ZNF410: variants seen among roughly 807,000 people sequenced by gnomAD.
ZNF410 encodes zinc finger protein 410.
Under a neutral mutation model 54.8 loss-of-function variants are expected in ZNF410, and 18 were observed. The ratio of observed to expected loss-of-function variants is 0.33; its 90% CI spans 0.23 to 0.49. ZNF410 has a LOEUF of 0.49. ZNF410 is among the 20% of genes least tolerant of loss of function. The pLI, the probability that ZNF410 is intolerant of heterozygous loss-of-function variation, is 0.99. For synonymous variants in ZNF410, 191 were observed against 207.3 expected, an observed-to-expected ratio of 0.92 and a Z score of 0.68; for missense variants, 405 against 569.6, an observed-to-expected ratio of 0.71 and a Z score of 2.94.
intron 5 of ZNF410, chr14:73,903,721 G>T: frequency 2.0e-6 from 1 of 499,696 alleles, no homozygotes; most frequent in South Asian, 3.0e-5. Flanking sequence ...GCTAGTCTCG[G>T]AACACCTGGG....
intron 11 of ZNF410, among the ~76,000 whole-genome samples, chr14:73,925,637 A>G (rs1476820291): frequency 6.6e-6 from 1 of 152,022 alleles, no homozygotes; most frequent in African/African-American, 2.4e-5. Context: ...CCTGTTGGCC[A>G]GGCTAGTCTG....
At chr14:73,921,183 C>A (rs1035075679) in intron 9 of ZNF410, 78 bp downstream of exon 9, 1 of 1,569,790 alleles carries the variant, frequency 6.4e-7, no homozygotes, top group Non-Finnish European at 8.6e-7. Context: ...GCCTGCTTAT[C>A]TGGAAATTTT....
chr14:73,902,038 C>T (rs17093882), intron 5 of ZNF410, among the ~76,000 whole-genome samples: 10,122 of 150,240 alleles, frequency 0.067, 856 homozygotes, highest in East Asian at 0.44. Context: ...AAGATTCCTT[C>T]ACGGCATATG....
At chr14:73,909,617 AC>A (rs1333893096) in intron 8 of ZNF410, 187 bp downstream of exon 8, 9 of 473,706 alleles carry the variant, frequency 1.9e-5, no homozygotes, top group African/African-American at 6.0e-5. Context: ...TGGGGGGGGG[AC>A]ATCTAATTAT....
chr14:73,923,604 C>T (rs1032526911), intron 11 of ZNF410, 82 bp downstream of exon 11: 1 of 1,505,838 alleles, frequency 6.6e-7, no homozygotes. Flanking sequence ...AAAAAGTCTC[C>T]AGTTTCCATT....
intron 8 of ZNF410, among the ~76,000 whole-genome samples, chr14:73,910,025 A>C (rs1334817420): frequency 1.3e-5 from 2 of 152,186 alleles, no homozygotes; most frequent in Non-Finnish European, 2.9e-5. Context: ...CTCTGTGCAG[A>C]TATATCTCAT....
chr14:73,893,491 G>A (rs769654986), intron 2 of ZNF410: 8 of 246,418 alleles, frequency 3.2e-5, no homozygotes, highest in East Asian at 1.9e-4. Flanking sequence ...TAAACATTGT[G>A]TATCTAAACA....
At chr14:73,923,288 G>A in intron 10 of ZNF410, 107 bp from the exon 11 acceptor site, 1 of 1,260,770 alleles carries the variant, frequency 7.9e-7, no homozygotes. Context: ...AGGAATGTGG[G>A]AAATAGAGGA....
intron 11 of ZNF410, among the ~76,000 whole-genome samples, chr14:73,926,752 G>T (rs1049054211): frequency 3.3e-5 from 5 of 151,820 alleles, no homozygotes; most frequent in Admixed American, 2.0e-4. Flanking sequence ...GGGAGTTTTT[G>T]TCCTAAAGAT....
At chr14:73,891,991 T>A (rs773073394) in intron 1 of ZNF410, 36 bp from the exon 2 acceptor site, 4 of 707,048 alleles carry the variant, frequency 5.7e-6, no homozygotes, top group Non-Finnish European at 7.7e-6. Context: ...CCCACTGCTC[T>A]TAATGCCCCC....
At position 73,931,865 on chromosome 14, in the gene ZNF410, G is replaced by A. The variant is rs2055920901; in HGVS notation, c.*324G>A. 3 of 445,922 alleles carry A rather than the reference G, an allele frequency of 6.7e-6. No individual in the cohort carries two copies. Among genetic ancestry groups the A allele is most frequent in the South Asian group, 5.1e-5 (3 of 59,364 alleles). 27.6% of individuals were successfully genotyped at this position (445,922 alleles called of 1,614,324 possible). A position where few individuals can be genotyped will look rare whatever the true frequency, so the allele number is the denominator to read the frequency against. ...GAAGTTCTTCATTCTGACTGTTGAG[G>A]GGAGGTTTTCCTTTGAAGAGTTTTC... is the stretch of plus-strand genomic sequence containing the variant. On this transcript the variant is annotated 3_prime_UTR_variant, in exon 12 of 12. Coordinates refer to ENST00000555044, the MANE Select transcript of ZNF410 (RefSeq NM_021188.3).
At chr14:73,898,308 A>T in intron 5 of ZNF410, 46 bp downstream of exon 5, 1 of 1,601,432 alleles carries the variant, frequency 6.2e-7, no homozygotes, top group Non-Finnish European at 8.5e-7. Flanking sequence ...GTGCAAAGAG[A>T]TTTTGGTAAT....
At chr14:73,918,686 CTTTTTTT>C (rs71115932) in intron 8 of ZNF410, among the ~76,000 whole-genome samples, 84 of 74,636 alleles carry the variant, frequency 1.1e-3, no homozygotes, top group African/African-American at 4.0e-3. Flanking sequence ...TTCATATGGC[CTTTTTTT>C]TTTTTTTTTT....
At chr14:73,905,966 C>CATATATATATATATATATATATAT (rs1197338487) in intron 7 of ZNF410, among the ~76,000 whole-genome samples, 1 of 66,624 alleles carries the variant, frequency 1.5e-5, no homozygotes, top group South Asian at 3.6e-4. Context: ...CACACACACA[C>CATATATATATATATATATATATAT]ACATATATAT....
intron 8 of ZNF410, among the ~76,000 whole-genome samples, chr14:73,915,168 A>G (rs1049962239): frequency 2.0e-5 from 3 of 149,330 alleles, no homozygotes; most frequent in Non-Finnish European, 3.0e-5. Context: ...TGGCTGAGGC[A>G]TGAGAATCGC....
At chr14:73,909,678 A>T (rs1449439780) in intron 8 of ZNF410, 2 of 382,080 alleles carry the variant, frequency 5.2e-6, no homozygotes, top group African/African-American at 4.1e-5. Context: ...AGATCAGCAA[A>T]TTTGTTTGGC....
intron 10 of ZNF410, chr14:73,922,554 A>G (rs1335522323): frequency 6.3e-6 from 1 of 157,968 alleles, no homozygotes; most frequent in Non-Finnish European, 1.4e-5. Flanking sequence ...TACAGAGGAG[A>G]TATAAAGCAA....
chr14:73,931,427 A>T, intron 11 of ZNF410, 76 bp from the exon 12 acceptor site: 1 of 1,351,260 alleles, frequency 7.4e-7, no homozygotes, highest in Non-Finnish European at 1.0e-6. Flanking sequence ...CTCCACTCTT[A>T]ATACTTTTTA....
rs373138012 is a variant in ZNF410 at position 73,909,372 on chromosome 14, A to T, written c.945A>T (p.Gly315=). The T allele has an allele frequency of 6.2e-7, 1 of 1,614,112 alleles. No homozygotes were observed. Among genetic ancestry groups the T allele is most frequent in the Admixed American group, 1.7e-5 (1 of 60,004 alleles). ...AACCTTTCCTTTGTGAAGCCCAAGG[A>T]TGTGGCCGTTCCTTTGCTGAGTATT... ...GEKPFLCEAQ[G]CGRSFAEYSS... The change falls in exon 8 of 12, where the codon GGA becomes GGT. Residue 315 remains glycine (G), a synonymous_variant. Transcript: ENST00000555044.
Sources: allele counts gnomAD v4.1 joint callset (sites outside exome capture counted in the v4.1 genomes callset), GRCh38; gene constraint gnomAD v4.1.1; transcripts MANE v1.5; gene names NCBI Gene and HGNC (gene_info 2026-07-23, HGNC 2026-07-21).